The following OR2L13 variants were observed in gnomAD, a reference collection of about 807,000 sequenced individuals.
OR2L13 encodes olfactory receptor family 2 subfamily L member 13.
Under a neutral mutation model 15.3 loss-of-function variants are expected in OR2L13, and 14 were observed. That is an observed-to-expected ratio of 0.91 (90% CI 0.60 to 1.43). The LOEUF (loss-of-function observed/expected upper bound fraction) is 1.43, where lower values mean the gene tolerates loss of function less well. Among genes scored for constraint, OR2L13 ranks in the 40% most tolerant of loss-of-function variants. The pLI is 0.00. For missense variants in OR2L13, 367 were observed against 387.9 expected, an observed-to-expected ratio of 0.95 and a Z score of 0.45; for synonymous variants, 152 against 142.9, an observed-to-expected ratio of 1.06 and a Z score of -0.45.
At chr1:248,034,617 T>A in the OR2L13 span, among the ~76,000 whole-genome samples, 1 of 152,210 alleles carries the variant, frequency 6.6e-6, no homozygotes, top group Non-Finnish European at 1.5e-5. Flanking sequence ...ACAGAATGTA[T>A]TTCCATTTAT....
At chr1:247,962,654 G>A in the OR2L13 span, among the ~76,000 whole-genome samples, 150,822 of 152,328 alleles carry the variant, frequency 0.99, 74,688 homozygotes, top group Middle Eastern at 1. Flanking sequence ...ACTATTATCA[G>A]CTAAAACATC....
chr1:248,055,451 G>T, the OR2L13 span, among the ~76,000 whole-genome samples: 9 of 152,064 alleles, frequency 5.9e-5, no homozygotes, highest in Non-Finnish European at 4.4e-5. Context: ...GATGATGCTG[G>T]CCTCATAAAA....
At chr1:248,065,810 G>A in the OR2L13 span, among the ~76,000 whole-genome samples, 1,683 of 152,060 alleles carry the variant, frequency 0.011, 36 homozygotes, top group African/African-American at 0.039. Flanking sequence ...AATATGCTGA[G>A]TCAGCATGTT....
At chr1:247,984,120 A>T in the OR2L13 span, among the ~76,000 whole-genome samples, 6 of 152,194 alleles carry the variant, frequency 3.9e-5, no homozygotes, top group Non-Finnish European at 7.3e-5. Flanking sequence ...AAGTAAACAC[A>T]AAGTCATATA....
chr1:248,092,775 G>A (rs1027511311), upstream of OR2L13, among the ~76,000 whole-genome samples: 7 of 151,948 alleles, frequency 4.6e-5, no homozygotes, highest in East Asian at 1.9e-4. Flanking sequence ...TTAATTGATC[G>A]CACCTACTGA....
At chr1:248,056,889 A>G in the OR2L13 span, among the ~76,000 whole-genome samples, 1 of 151,650 alleles carries the variant, frequency 6.6e-6, no homozygotes, top group East Asian at 1.9e-4. Context: ...AGCTCAGGCA[A>G]TCTGCCCGCC....
chr1:248,017,834 C>T, the OR2L13 span, among the ~76,000 whole-genome samples: 2 of 152,234 alleles, frequency 1.3e-5, no homozygotes, highest in South Asian at 2.1e-4. Flanking sequence ...CAATGTCATA[C>T]AAACTTGCCT....
At chr1:247,964,517 G>T in the OR2L13 span, among the ~76,000 whole-genome samples, 2 of 152,096 alleles carry the variant, frequency 1.3e-5, no homozygotes, top group South Asian at 4.1e-4. Flanking sequence ...CAATTTTTCT[G>T]TGTATTTCTT....
At chr1:248,069,656 T>G in the OR2L13 span, among the ~76,000 whole-genome samples, 1 of 152,072 alleles carries the variant, frequency 6.6e-6, no homozygotes, top group African/African-American at 2.4e-5. Context: ...GACTAAATGC[T>G]CTAATTAAAA....
the OR2L13 span, among the ~76,000 whole-genome samples, chr1:248,043,752 A>G: frequency 6.6e-6 from 1 of 152,188 alleles, no homozygotes; most frequent in East Asian, 1.9e-4. Context: ...CAGCTACTCC[A>G]CAGACAGAGT....
the OR2L13 span, among the ~76,000 whole-genome samples, chr1:248,028,503 A>G: frequency 6.6e-6 from 1 of 152,244 alleles, no homozygotes; most frequent in Non-Finnish European, 1.5e-5. Flanking sequence ...AATCTGTTTG[A>G]CTTAATGAAT....
chr1:247,967,042 A>AC, the OR2L13 span, among the ~76,000 whole-genome samples: 3 of 67,088 alleles, frequency 4.5e-5, no homozygotes, highest in African/African-American at 8.1e-5. Flanking sequence ...AACACACCAC[A>AC]CACCACACAC....
chr1:247,975,153 T>C, the OR2L13 span: 4 of 398,184 alleles, frequency 1.0e-5, no homozygotes, highest in African/African-American at 4.2e-5. Flanking sequence ...ATGAGCAAGA[T>C]AGTATGTGCT....
At chr1:248,100,081 G>T in exon 3 of OR2L13, 1 of 1,613,912 alleles carries the variant, frequency 6.2e-7, no homozygotes. Context: ...GAGAAAAAAG[G>T]CCTTCACCAC....
chr1:248,042,834 A>C, the OR2L13 span, among the ~76,000 whole-genome samples: 1 of 152,224 alleles, frequency 6.6e-6, no homozygotes, highest in Non-Finnish European at 1.5e-5. Context: ...AAAGTTTTTC[A>C]AACTAAATCA....
At chr1:248,048,312 A>C in the OR2L13 span, among the ~76,000 whole-genome samples, 1 of 152,200 alleles carries the variant, frequency 6.6e-6, no homozygotes, top group Non-Finnish European at 1.5e-5. Context: ...TACCCTTCTC[A>C]ACAATTACAA....
At chr1:248,012,575 T>C in the OR2L13 span, among the ~76,000 whole-genome samples, 2 of 152,314 alleles carry the variant, frequency 1.3e-5, no homozygotes, top group East Asian at 3.9e-4. Context: ...TAGTGTGCAC[T>C]AGATGTGGCA....
At chr1:247,958,663 T>C in the OR2L13 span, among the ~76,000 whole-genome samples, 4 of 152,196 alleles carry the variant, frequency 2.6e-5, no homozygotes, top group Non-Finnish European at 2.9e-5. Context: ...TAGTTAGCTC[T>C]TCTCGTTGAA....
At chr1:248,095,607 C>CTTGTTTTTTTTTTTTTTTTTTTTTTTTT (rs1664715417), upstream of OR2L13, among the ~76,000 whole-genome samples, 1 of 37,294 alleles carries the variant, frequency 2.7e-5, no homozygotes, top group Non-Finnish European at 5.4e-5. Flanking sequence ...AAAGCTGCTG[C>CTTGTTTTTTTTTTTTTTTTTTTTTTTTT]TTTTTTTTTT....
Sources: allele counts gnomAD v4.1 joint callset (sites outside exome capture counted in the v4.1 genomes callset), GRCh38; gene constraint gnomAD v4.1.1; transcripts MANE v1.5; gene names NCBI Gene and HGNC (gene_info 2026-07-23, HGNC 2026-07-21).